Variants in DLGAP2 observed in about 807,000 individuals in gnomAD.
DLGAP2 encodes disks large-associated protein 2.
DLGAP2 carries 26 observed loss-of-function variants against 100.3 expected under a neutral mutation model. The observed-to-expected ratio is 0.26, with a 90% CI of 0.19 to 0.36. The LOEUF (loss-of-function observed/expected upper bound fraction) is 0.36, where lower values mean the gene tolerates loss of function less well. Among genes scored for constraint, DLGAP2 ranks in the 10% least tolerant of loss-of-function variants. The pLI is 1.00. For synonymous variants in DLGAP2, 886 were observed against 630.1 expected (o/e 1.41, Z -6.08); for missense variants, 1,858 against 1,453.2 (o/e 1.28, Z -4.53).
chr8:1,379,623 G>C (rs1186799963), intron 3 of DLGAP2: 1 of 152,244 alleles, frequency 6.6e-6, no homozygotes, highest in Non-Finnish European at 1.5e-5. Context: ...TTGTCACATA[G>C]AGTTGGGAAA....
chr8:1,081,211 A>T (rs2129039487), intron 2 of DLGAP2, among the ~76,000 whole-genome samples: 1 of 152,342 alleles, frequency 6.6e-6, no homozygotes, highest in East Asian at 1.9e-4. Flanking sequence ...CACCGGGTTA[A>T]AGGCAGTATT....
At chr8:897,621 C>T (rs147242007) in intron 1 of DLGAP2, among the ~76,000 whole-genome samples, 4 of 152,282 alleles carry the variant, frequency 2.6e-5, no homozygotes, top group Non-Finnish European at 5.9e-5. Flanking sequence ...TCCCAAGACC[C>T]GGCACCCCCT....
chr8:1,537,728 T>TGGAAGGAAGGAAGGAAGGAAGGAA (rs10523091), intron 4 of DLGAP2, among the ~76,000 whole-genome samples: 3 of 136,664 alleles, frequency 2.2e-5, no homozygotes, highest in East Asian at 2.2e-4. Context: ...GATGAAAGGA[T>TGGAAGGAAGGAAGGAAGGAAGGAA]GGAAGGAAGG....
chr8:1,358,364 C>T (rs1193496406), intron 3 of DLGAP2, among the ~76,000 whole-genome samples: 1 of 152,084 alleles, frequency 6.6e-6, no homozygotes, highest in African/African-American at 2.4e-5. Context: ...GCAGGATGGA[C>T]AACTCAAGAG....
intron 2 of DLGAP2, among the ~76,000 whole-genome samples, chr8:1,227,175 G>GATATAT (rs1491434618): frequency 1.6e-5 from 1 of 62,950 alleles, no homozygotes; most frequent in Admixed American, 1.5e-4. Flanking sequence ...TATATATATA[G>GATATAT]TATAGATATA....
intron 2 of DLGAP2, among the ~76,000 whole-genome samples, chr8:1,202,065 G>T (rs1324289458): frequency 6.6e-6 from 1 of 152,064 alleles, no homozygotes; most frequent in Non-Finnish European, 1.5e-5. Flanking sequence ...TGATGTGTGT[G>T]TATGTGTACG....
chr8:883,517 TA>T lies in DLGAP2; in HGVS notation c.19-24384del, dbSNP rs74275082. Among the ~76,000 whole-genome samples the T allele has an allele frequency of 1.7e-3, 254 of 147,384 alleles. 2 individuals are homozygous for T. Among genetic ancestry groups the T allele is most frequent in the African/African-American group, 4.3e-3 (175 of 40,468 alleles). On this transcript the variant is annotated intron_variant, in intron 1 of 14. Coordinates refer to ENST00000637795, the MANE Select transcript of DLGAP2 (RefSeq NM_001346810.2). ...TCTTTTTTTTCCCTTAATTTCTTCT[TA>T]AAAAAAAAAACCCAGGATACATGTA...
intron 4 of DLGAP2, among the ~76,000 whole-genome samples, chr8:1,513,815 C>T (rs1339603401): frequency 1.3e-5 from 2 of 152,192 alleles, no homozygotes; most frequent in African/African-American, 4.8e-5. Flanking sequence ...CACGTTCGTA[C>T]AGTCCAAGGT....
At chr8:1,408,223 G>T (rs1046884414) in intron 3 of DLGAP2, among the ~76,000 whole-genome samples, 1 of 152,206 alleles carries the variant, frequency 6.6e-6, no homozygotes, top group African/African-American at 2.4e-5. Flanking sequence ...CTTTCCACCT[G>T]CCTCACTGTC....
chr8:910,294 A>G (rs943380552), intron 2 of DLGAP2: 2 of 152,228 alleles, frequency 1.3e-5, no homozygotes, highest in African/African-American at 4.8e-5. Flanking sequence ...AACTTTATAC[A>G]TGTCATGTTT....
chr8:1,131,307 C>T (rs562573218), intron 2 of DLGAP2, among the ~76,000 whole-genome samples: 2 of 152,138 alleles, frequency 1.3e-5, no homozygotes, highest in South Asian at 4.2e-4. Flanking sequence ...CATAGATGGG[C>T]GGCTGAAAAC....
At chr8:1,563,067 G>T (rs1265887903) in intron 5 of DLGAP2, among the ~76,000 whole-genome samples, 1 of 38,586 alleles carries the variant, frequency 2.6e-5, no homozygotes, top group East Asian at 8.1e-4. Context: ...ACTGTGTGGT[G>T]TTGGGTGTCC....
chr8:1,645,812 G>A (rs983768474), intron 8 of DLGAP2, among the ~76,000 whole-genome samples: 6 of 152,086 alleles, frequency 3.9e-5, no homozygotes, highest in Non-Finnish European at 5.9e-5. Flanking sequence ...CTTCCTGATA[G>A]GTATTCCTAG....
intron 3 of DLGAP2, among the ~76,000 whole-genome samples, chr8:1,484,853 G>A (rs924623489): frequency 5.3e-5 from 8 of 152,144 alleles, no homozygotes; most frequent in Admixed American, 3.3e-4. Flanking sequence ...AATATTTCCT[G>A]GCAGCAGAGA....
chr8:1,474,617 T>G (rs933568992), intron 3 of DLGAP2, among the ~76,000 whole-genome samples: 5 of 152,174 alleles, frequency 3.3e-5, no homozygotes, highest in African/African-American at 1.2e-4. Flanking sequence ...GCAGAAAACA[T>G]GATAAAATGC....
chr8:1,448,011 A>G (rs1424029125), intron 3 of DLGAP2, among the ~76,000 whole-genome samples: 11 of 151,712 alleles, frequency 7.3e-5, no homozygotes, highest in Admixed American at 2.0e-4. Flanking sequence ...CAGTCTATCT[A>G]TTTTGTTGAT....
At chr8:940,213 T>G (rs973818901) in intron 2 of DLGAP2, among the ~76,000 whole-genome samples, 1 of 152,100 alleles carries the variant, frequency 6.6e-6, no homozygotes, top group Non-Finnish European at 1.5e-5. Flanking sequence ...TCTCTGAGTT[T>G]CCATTTCACC....
At position 1,023,123 on chromosome 8, in the gene DLGAP2, T is replaced by C. The variant is rs554742342; in HGVS notation, c.73+115157T>C. Among the ~76,000 whole-genome samples the C allele has an allele frequency of 9.3e-4, 142 of 152,348 alleles. 1 individual carries two copies. Among genetic ancestry groups the C allele is most frequent in the African/African-American group, 3.2e-3 (135 of 41,576 alleles). ...CTTTTCTCCCCAGGCATTGGCGTGA[T>C]GCCGATTTTCAAATTTTCAAAGGAC... On this transcript the variant is annotated intron_variant, in intron 2 of 14. Coordinates refer to ENST00000637795, the MANE Select transcript of DLGAP2 (RefSeq NM_001346810.2).
intron 3 of DLGAP2, among the ~76,000 whole-genome samples, chr8:1,354,466 T>A (rs1179731757): frequency 6.6e-6 from 1 of 152,188 alleles, no homozygotes; most frequent in East Asian, 1.9e-4. Context: ...TGAGCTGATA[T>A]TGAGCCGCTG....
Sources: allele counts gnomAD v4.1 joint callset (sites outside exome capture counted in the v4.1 genomes callset), GRCh38; gene constraint gnomAD v4.1.1; transcripts MANE v1.5; gene names NCBI Gene and HGNC (gene_info 2026-07-23, HGNC 2026-07-21).